FSTL4: variants seen among roughly 807,000 people sequenced by gnomAD.
FSTL4 encodes the protein follistatin-related protein 4.
FSTL4 carries 28 observed loss-of-function variants against 78.2 expected under a neutral mutation model. The ratio of observed to expected loss-of-function variants is 0.36; its 90% CI spans 0.27 to 0.49. The LOEUF is 0.49. FSTL4 is among the 20% of genes least tolerant of loss of function. FSTL4 has a pLI of 0.98. For missense variants in FSTL4, 922 were observed against 1,084.9 expected (o/e 0.85, Z 2.11); for synonymous variants, 422 against 440.5 (o/e 0.96, Z 0.53).
chr5:133,199,565 C>G lies in FSTL4; in HGVS notation c.2059G>C (p.Asp687His). The change falls in exon 16 of 16, where the codon GAT (aspartate) becomes CAT (histidine). Residue 687 changes from aspartate (D) to histidine (H), a missense_variant. Transcript: ENST00000265342. The surrounding 1 kb of genome is among the most constrained non-coding windows in gnomAD (Gnocchi z 4.4). ...GATGTGTGTGGGGTGCCTGTTACAT[C>G]ACCATTGGGGCCAAGCACAGAGTCT... ...VTDSVLGPNG[D>H]VTGTPHTSPD... is the part of the protein sequence containing the mutation. 6.2e-7 allele frequency: 1 copy of G among 1,613,942 alleles called. No individual in the cohort carries two copies.
At chr5:133,274,599 G>A (rs1270242642) in intron 6 of FSTL4, among the ~76,000 whole-genome samples, 1 of 152,096 alleles carries the variant, frequency 6.6e-6, no homozygotes, top group Non-Finnish European at 1.5e-5. Flanking sequence ...CTAGGGGCTG[G>A]TCCCGAGTGA....
chr5:133,670,391 T>C, the FSTL4 span, among the ~76,000 whole-genome samples: 2 of 152,112 alleles, frequency 1.3e-5, no homozygotes, highest in Middle Eastern at 3.4e-3. Context: ...AGCCATGGAG[T>C]GTGACACAAA....
the FSTL4 span, among the ~76,000 whole-genome samples, chr5:133,627,151 C>CTTTTTTTTTTT: frequency 3.0e-4 from 28 of 93,002 alleles, no homozygotes; most frequent in East Asian, 8.8e-4. Flanking sequence ...CTCTGTGTCT[C>CTTTTTTTTTTT]TTTTTTTTTT....
chr5:133,664,380 C>CAAA, the FSTL4 span, among the ~76,000 whole-genome samples: 1 of 152,018 alleles, frequency 6.6e-6, no homozygotes, highest in African/African-American at 2.4e-5. Context: ...TATAGTGTCC[C>CAAA]AAAACGAATC....
At chr5:133,221,773 C>T (rs1284966789) in intron 11 of FSTL4, among the ~76,000 whole-genome samples, 1 of 152,000 alleles carries the variant, frequency 6.6e-6, no homozygotes, top group African/African-American at 2.4e-5. Flanking sequence ...TGTCTCCTCC[C>T]GACTCTGTCT....
At chr5:133,358,660 C>T (rs530613234) in intron 4 of FSTL4, among the ~76,000 whole-genome samples, 23 of 139,938 alleles carry the variant, frequency 1.6e-4, no homozygotes, top group African/African-American at 5.2e-4. Flanking sequence ...AGTGCAGTGG[C>T]GCGATCTCAG....
the FSTL4 span, among the ~76,000 whole-genome samples, chr5:133,830,729 C>G: frequency 6.6e-6 from 1 of 152,176 alleles, no homozygotes; most frequent in Non-Finnish European, 1.5e-5. Context: ...TGCTGCTCTG[C>G]CTCATTTAGG....
chr5:133,754,633 C>T, the FSTL4 span, among the ~76,000 whole-genome samples: 2 of 152,252 alleles, frequency 1.3e-5, no homozygotes, highest in African/African-American at 4.8e-5. Flanking sequence ...TTTAATGAGG[C>T]TCACCTCAGA....
chr5:133,462,218 A>G (rs143114997), intron 3 of FSTL4, among the ~76,000 whole-genome samples: 327 of 152,296 alleles, frequency 2.1e-3, no homozygotes, highest in Middle Eastern at 0.01. Flanking sequence ...GGCCCCCCAG[A>G]TGATGTCTTC....
intron 7 of FSTL4, chr5:133,247,138 C>G (rs542859738): frequency 1.4e-4 from 21 of 152,378 alleles, no homozygotes; most frequent in African/African-American, 4.8e-4. Flanking sequence ...GCTGGTGCTG[C>G]CCTGCTCCCT....
chr5:133,241,209 T>C (rs1290041402), intron 7 of FSTL4, among the ~76,000 whole-genome samples: 1 of 152,272 alleles, frequency 6.6e-6, no homozygotes, highest in Admixed American at 6.5e-5. Context: ...GTACTCTTTT[T>C]GCTGTATTAA....
chr5:133,713,373 C>A, the FSTL4 span, among the ~76,000 whole-genome samples: 1 of 152,190 alleles, frequency 6.6e-6, no homozygotes, highest in Admixed American at 6.5e-5. Context: ...TCAGGACCTG[C>A]CTTGCCTGGC....
intron 6 of FSTL4, among the ~76,000 whole-genome samples, chr5:133,307,619 A>G (rs1197311797): frequency 2.0e-5 from 3 of 152,120 alleles, no homozygotes; most frequent in African/African-American, 7.2e-5. Flanking sequence ...AGTCATTCAA[A>G]TGGAACACTG....
chr5:133,625,305 G>A, the FSTL4 span, among the ~76,000 whole-genome samples: 3 of 151,638 alleles, frequency 2.0e-5, no homozygotes, highest in East Asian at 5.8e-4. Flanking sequence ...AATAGTTATA[G>A]GACTATTTAA....
In FSTL4 at chr5:133,458,492, C is replaced by T. The variant is rs997933427; in HGVS notation, c.161-57506G>A. On this transcript the variant is annotated intron_variant, in intron 3 of 15. Coordinates refer to ENST00000265342, the MANE Select transcript of FSTL4 (RefSeq NM_015082.2). ...CATCCCAAATTGAAGTTAGGTCTGG[C>T]ATTGGCCAAGGCAGCATCTCATCCC... is the stretch of plus-strand genomic sequence containing the variant. 2.6e-5 allele frequency among the ~76,000 whole-genome samples: 4 copies of T among 152,222 alleles called. No homozygotes were observed. In the East Asian group the frequency reaches 7.7e-4, roughly 29 times the overall value.
At chr5:133,597,676 G>A (rs1174263079) in intron 2 of FSTL4, among the ~76,000 whole-genome samples, 2 of 152,152 alleles carry the variant, frequency 1.3e-5, no homozygotes, top group Non-Finnish European at 2.9e-5. Flanking sequence ...AGTGTGGAAG[G>A]GCTGGCTGGG....
chr5:133,715,292 T>C, the FSTL4 span, among the ~76,000 whole-genome samples: 1 of 152,210 alleles, frequency 6.6e-6, no homozygotes. Context: ...GCTGTTGCAG[T>C]CTTTAGAAGC....
intron 6 of FSTL4, among the ~76,000 whole-genome samples, chr5:133,298,455 G>A (rs896325336): frequency 4.6e-5 from 7 of 152,154 alleles, no homozygotes; most frequent in Non-Finnish European, 8.8e-5. Context: ...AGGATGACAG[G>A]GCCAGGCTTG....
intron 4 of FSTL4, among the ~76,000 whole-genome samples, chr5:133,377,502 A>G (rs1755464855): frequency 6.6e-6 from 1 of 151,566 alleles, no homozygotes; most frequent in South Asian, 2.1e-4. Flanking sequence ...GTTTGAGCCT[A>G]AAAGTACTCT....
Sources: allele counts gnomAD v4.1 joint callset (sites outside exome capture counted in the v4.1 genomes callset), GRCh38; gene constraint gnomAD v4.1.1; non-coding constraint Gnocchi (gnomAD v3.1); transcripts MANE v1.5; gene names NCBI Gene and HGNC (gene_info 2026-07-23, HGNC 2026-07-21).